HHAT: variants seen among roughly 807,000 people sequenced by gnomAD.
HHAT encodes the protein protein-cysteine N-palmitoyltransferase HHAT.
Under a neutral mutation model 70.8 loss-of-function variants are expected in HHAT, and 47 were observed. The observed-to-expected ratio is 0.66, with a 90% CI of 0.53 to 0.85. The LOEUF (loss-of-function observed/expected upper bound fraction) is 0.85, where lower values mean the gene tolerates loss of function less well. Among genes scored for constraint, HHAT ranks in the 40% least tolerant of loss-of-function variants. The probability of loss-of-function intolerance (pLI) is 0.00; values close to 1 mark genes in which losing one functional copy is unlikely to be tolerated. For synonymous variants in HHAT, 228 were observed against 247.6 expected (o/e 0.92, Z 0.74); for missense variants, 609 against 604.8 (o/e 1.01, Z -0.07).
chr1:210,481,929 C>T (rs540987765), intron 8 of HHAT, among the ~76,000 whole-genome samples: 4 of 152,214 alleles, frequency 2.6e-5, no homozygotes, highest in African/African-American at 9.6e-5. Flanking sequence ...CAGAAGTGTG[C>T]CCAAAGTGCT....
intron 7 of HHAT, among the ~76,000 whole-genome samples, chr1:210,452,360 G>A (rs1190953191): frequency 6.6e-6 from 1 of 152,200 alleles, no homozygotes; most frequent in African/African-American, 2.4e-5. Context: ...TAGGGTTCAG[G>A]TGGGGGCTCT....
intron 9 of HHAT, among the ~76,000 whole-genome samples, chr1:210,563,141 G>A (rs2095639552): frequency 6.6e-6 from 1 of 152,060 alleles, no homozygotes; most frequent in Admixed American, 6.6e-5. Flanking sequence ...TAATGCTTCT[G>A]GGTCAAGTGA....
At chr1:210,594,952 T>C (rs1662591791) in intron 10 of HHAT, among the ~76,000 whole-genome samples, 1 of 130,492 alleles carries the variant, frequency 7.7e-6, no homozygotes, top group Non-Finnish European at 1.6e-5. Flanking sequence ...TTGCTCTCGT[T>C]GCTTTTCAGA....
chr1:210,530,789 G>T (rs868362951), intron 9 of HHAT, among the ~76,000 whole-genome samples: 1 of 152,168 alleles, frequency 6.6e-6, no homozygotes. Context: ...GGAAAAAGAG[G>T]CAGGATTAAT....
At chr1:210,371,841 T>G (rs528809571) in intron 3 of HHAT, among the ~76,000 whole-genome samples, 4 of 152,148 alleles carry the variant, frequency 2.6e-5, no homozygotes, top group Admixed American at 2.0e-4. Context: ...CATATTCACC[T>G]CAATTCAGCA....
chr1:210,427,908 C>T (rs2148311479), intron 7 of HHAT, among the ~76,000 whole-genome samples: 1 of 151,778 alleles, frequency 6.6e-6, no homozygotes, highest in African/African-American at 2.4e-5. Context: ...AAAGTCTCCC[C>T]TTATTGTGGG....
chr1:210,654,298 G>A (rs1374751293), intron 11 of HHAT, among the ~76,000 whole-genome samples: 2 of 148,900 alleles, frequency 1.3e-5, no homozygotes, highest in African/African-American at 4.9e-5. Context: ...ATTTCTACAC[G>A]TCCTTAGCCC....
chr1:210,409,988 C>T (rs911211289), intron 6 of HHAT, among the ~76,000 whole-genome samples: 1 of 152,128 alleles, frequency 6.6e-6, no homozygotes, highest in Non-Finnish European at 1.5e-5. Context: ...GAGAGCCGCC[C>T]TGCACATTAG....
chr1:210,353,127 G>T (rs979823460), intron 2 of HHAT, among the ~76,000 whole-genome samples: 1 of 151,870 alleles, frequency 6.6e-6, no homozygotes, highest in African/African-American at 2.4e-5. Context: ...GTACAGACAG[G>T]GTTTTACCAT....
At chr1:210,650,049 A>G (rs982274647) in intron 11 of HHAT, among the ~76,000 whole-genome samples, 4 of 152,218 alleles carry the variant, frequency 2.6e-5, no homozygotes, top group African/African-American at 7.2e-5. Context: ...CCCAGTAGAA[A>G]GGGAAAGAAA....
At chr1:210,645,254 C>G (rs1673784661) in intron 11 of HHAT, among the ~76,000 whole-genome samples, 1 of 152,066 alleles carries the variant, frequency 6.6e-6, no homozygotes, top group African/African-American at 2.4e-5. Flanking sequence ...TGTTGCTGTA[C>G]TTTTTATGAA....
chr1:210,667,147 C>A (rs568967729), intron 11 of HHAT, among the ~76,000 whole-genome samples: 36 of 151,558 alleles, frequency 2.4e-4, no homozygotes, highest in African/African-American at 8.5e-4. Context: ...CTTTGAGAGG[C>A]CAAGGCAGGT....
rs551629354 is a variant in HHAT, at chr1:210,616,847, A to AG, written c.1246-6679_1246-6678insG. Among the ~76,000 whole-genome samples, 610 of 152,302 alleles carry AG rather than the reference A, an allele frequency of 4.0e-3. 1 individual carries two copies. Among genetic ancestry groups the AG allele is most frequent in the Admixed American group, 7.3e-3 (112 of 15,302 alleles). On this transcript the variant is annotated intron_variant, in intron 10 of 11. Transcript: ENST00000261458. ...AATATGAATAGTTTTTACCTACTTT[A>AG]CAGTATAAGTAAAGCTGCTCACACA...
At chr1:210,647,866 T>C (rs1674391882) in intron 11 of HHAT, among the ~76,000 whole-genome samples, 1 of 152,238 alleles carries the variant, frequency 6.6e-6, no homozygotes, top group Admixed American at 6.5e-5. Flanking sequence ...GGAGACAGTT[T>C]TAGCTAGGTC....
At position 210,440,459 on chromosome 1, in the gene HHAT, C is replaced by T. The variant is rs540113237; in HGVS notation, c.856+22134C>T. ...CAATCAGTCCTTGGATGTAGCCCAC[C>T]CCAGAAAGGCTTGGGTGAGGTAGCT... is the stretch of plus-strand genomic sequence containing the variant. On this transcript the variant is annotated intron_variant, in intron 7 of 11. Coordinates refer to ENST00000261458, the MANE Select transcript of HHAT (RefSeq NM_018194.6). Among the ~76,000 whole-genome samples the T allele has an allele frequency of 4.0e-5, 6 of 151,788 alleles. No individual in the cohort carries two copies. The East Asian group carries it at 1.2e-3, about 29-fold the overall frequency.
At chr1:210,513,010 C>A in intron 8 of HHAT, 143 bp from the exon 9 acceptor site, 1 of 560,774 alleles carries the variant, frequency 1.8e-6, no homozygotes, top group Non-Finnish European at 3.1e-6. Flanking sequence ...TGCTGCTGCT[C>A]CAGCAGCCAC....
chr1:210,656,408 C>A (rs933734368), intron 11 of HHAT, among the ~76,000 whole-genome samples: 2 of 152,082 alleles, frequency 1.3e-5, no homozygotes, highest in Non-Finnish European at 2.9e-5. Context: ...CACACATACC[C>A]CCCCCGTCCC....
At chr1:210,342,340 T>A (rs1463340133) in intron 1 of HHAT, among the ~76,000 whole-genome samples, 1 of 152,222 alleles carries the variant, frequency 6.6e-6, no homozygotes. Flanking sequence ...ACCACTTGGC[T>A]CCTGTTCTCC....
chr1:210,610,265 A>G (rs111685621), intron 10 of HHAT, among the ~76,000 whole-genome samples: 1,770 of 152,306 alleles, frequency 0.012, 41 homozygotes, highest in African/African-American at 0.04. Flanking sequence ...CATTTCTCTA[A>G]TGATCAGTGA....
Sources: allele counts gnomAD v4.1 joint callset (sites outside exome capture counted in the v4.1 genomes callset), GRCh38; gene constraint gnomAD v4.1.1; transcripts MANE v1.5; gene names NCBI Gene and HGNC (gene_info 2026-07-23, HGNC 2026-07-21).